Variants in SAMD5 observed in about 807,000 individuals in gnomAD.
SAMD5 encodes sterile alpha motif domain containing 5.
In SAMD5, 13 loss-of-function variants were observed where a neutral mutation model predicts 11.3. The observed-to-expected ratio is 1.15, with a 90% CI of 0.75 to 1.83. The LOEUF is 1.83. Among genes scored for constraint, SAMD5 ranks in the 40% most tolerant of loss-of-function variants. SAMD5 has a pLI of 0.00. For synonymous variants in SAMD5, 129 were observed against 111.3 expected, an observed-to-expected ratio of 1.16 and a Z score of -1.00; for missense variants, 255 against 239.1, an observed-to-expected ratio of 1.07 and a Z score of -0.44.
chr6:147,910,130 G>GT, the SAMD5 span, among the ~76,000 whole-genome samples: 3 of 151,978 alleles, frequency 2.0e-5, no homozygotes, highest in Non-Finnish European at 4.4e-5. Flanking sequence ...GATCAGTAGG[G>GT]TTTTTTTAAT....
chr6:147,623,348 A>C (rs1189888672), intron 1 of SAMD5, among the ~76,000 whole-genome samples: 1 of 152,252 alleles, frequency 6.6e-6, no homozygotes, highest in Non-Finnish European at 1.5e-5. Flanking sequence ...CCCATATGAC[A>C]AATAATGTTA....
chr6:147,938,351 C>T, the SAMD5 span, among the ~76,000 whole-genome samples: 4 of 152,198 alleles, frequency 2.6e-5, no homozygotes, highest in African/African-American at 9.6e-5. Context: ...TAACACTCCT[C>T]ATTTATTCAA....
the SAMD5 span, chr6:147,947,450 T>C: frequency 6.6e-6 from 1 of 152,116 alleles, no homozygotes; most frequent in African/African-American, 2.4e-5. Flanking sequence ...TTAATGTCTG[T>C]ATTACTTTTT....
intron 1 of SAMD5, among the ~76,000 whole-genome samples, chr6:147,671,630 T>G (rs775857501): frequency 6.6e-6 from 1 of 152,186 alleles, no homozygotes; most frequent in Non-Finnish European, 1.5e-5. Flanking sequence ...TTGGGTGTTA[T>G]TAATTTTTTG....
chr6:147,910,876 A>AC, the SAMD5 span, among the ~76,000 whole-genome samples: 1 of 152,264 alleles, frequency 6.6e-6, no homozygotes, highest in Admixed American at 6.5e-5. Context: ...GATCCTCAAC[A>AC]CAGTAGTGCA....
intron 1 of SAMD5, among the ~76,000 whole-genome samples, chr6:147,517,818 A>G (rs983786733): frequency 5.3e-5 from 8 of 151,966 alleles, no homozygotes; most frequent in African/African-American, 1.7e-4. Context: ...AAGAGTAATG[A>G]CATTCAGTAA....
At chr6:147,647,531 G>A (rs896927200) in intron 1 of SAMD5, among the ~76,000 whole-genome samples, 1 of 152,136 alleles carries the variant, frequency 6.6e-6, no homozygotes, top group African/African-American at 2.4e-5. Context: ...ATTTGGAGAG[G>A]TTTGATGCTC....
At chr6:147,912,514 G>C in the SAMD5 span, among the ~76,000 whole-genome samples, 1 of 152,156 alleles carries the variant, frequency 6.6e-6, no homozygotes, top group Non-Finnish European at 1.5e-5. Context: ...AATCATCTTA[G>C]GTCCATTTCT....
the SAMD5 span, among the ~76,000 whole-genome samples, chr6:147,928,640 G>C: frequency 9.4e-4 from 143 of 152,064 alleles, no homozygotes; most frequent in African/African-American, 3.3e-3. Flanking sequence ...ATGTTGAATG[G>C]TTTTTCGTAT....
rs1438241838 is a variant in SAMD5, at chr6:147,734,425, T to G, written c.163-2892T>G. 2.6e-5 allele frequency among the ~76,000 whole-genome samples: 4 copies of G among 152,220 alleles called. No homozygotes were observed. The East Asian group carries it at 7.7e-4, about 29-fold the overall frequency. Reference sequence around the variant, plus strand: ...TATCCTTGCATTCACTATTAAGATTTAGAGACCCAGACCGGGCGTGGTGGC... The same window carrying G: ...TATCCTTGCATTCACTATTAAGATTGAGAGACCCAGACCGGGCGTGGTGGC... On this transcript the variant is annotated intron_variant, in intron 1 of 1. Coordinates refer to the SAMD5 transcript ENST00000566741.
chr6:147,592,405 G>T (rs13218203), intron 1 of SAMD5, among the ~76,000 whole-genome samples: 16,640 of 152,026 alleles, frequency 0.11, 1,135 homozygotes, highest in East Asian at 0.29. Context: ...ATGGGAGTGC[G>T]GGAGAGGCAC....
intron 1 of SAMD5, among the ~76,000 whole-genome samples, chr6:147,689,567 G>T (rs1388664388): frequency 6.6e-6 from 1 of 152,204 alleles, no homozygotes; most frequent in Non-Finnish European, 1.5e-5. Context: ...GAACTGAAAA[G>T]GAAGTGACTA....
intron 1 of SAMD5, among the ~76,000 whole-genome samples, chr6:147,608,251 T>A (rs368081199): frequency 3.3e-5 from 5 of 152,204 alleles, no homozygotes; most frequent in South Asian, 4.2e-4. Flanking sequence ...ATACTAAAAA[T>A]TGAGCTACCA....
At chr6:147,748,453 T>G in the SAMD5 span, among the ~76,000 whole-genome samples, 2 of 152,250 alleles carry the variant, frequency 1.3e-5, no homozygotes, top group Non-Finnish European at 2.9e-5. Flanking sequence ...AATGACTTCT[T>G]GTATATACAT....
chr6:147,736,252 A>G (rs1241730538), intron 1 of SAMD5, among the ~76,000 whole-genome samples: 8 of 152,214 alleles, frequency 5.3e-5, no homozygotes, highest in Admixed American at 3.3e-4. Flanking sequence ...TAAGGTACAA[A>G]GAACGATGCC....
At chr6:147,746,560 T>A in the SAMD5 span, among the ~76,000 whole-genome samples, 2 of 152,108 alleles carry the variant, frequency 1.3e-5, no homozygotes, top group African/African-American at 2.4e-5. Context: ...AAAGAGGAAA[T>A]CCAAGATGAG....
the SAMD5 span, among the ~76,000 whole-genome samples, chr6:147,928,028 G>T: frequency 1.3e-5 from 2 of 152,092 alleles, no homozygotes; most frequent in Non-Finnish European, 2.9e-5. Context: ...ACTTGATCGT[G>T]GTGGATAAAC....
At chr6:147,879,348 G>T in the SAMD5 span, among the ~76,000 whole-genome samples, 2 of 152,162 alleles carry the variant, frequency 1.3e-5, no homozygotes, top group African/African-American at 4.8e-5. Context: ...GGACTCCTCC[G>T]AGAGCAGAGA....
intron 1 of SAMD5, among the ~76,000 whole-genome samples, chr6:147,528,905 T>C (rs77628336): frequency 0.061 from 9,230 of 152,276 alleles, 752 homozygotes; most frequent in African/African-American, 0.19. Context: ...AACAGTACCA[T>C]TGATGAAATA....
Sources: gnomAD v4.1 joint callset for allele counts (sites outside exome capture counted in the v4.1 genomes callset) on GRCh38, gnomAD v4.1.1 for gene constraint, MANE v1.5 for transcripts, NCBI Gene and HGNC (gene_info 2026-07-23, HGNC 2026-07-21) for gene names.